Variants in ALG14 observed in about 807,000 individuals in gnomAD.
ALG14 encodes UDP-N-acetylglucosamine transferase subunit ALG14.
A neutral mutation model predicts 22.8 loss-of-function variants in ALG14; 17 were observed. The ratio of observed to expected loss-of-function variants is 0.75; its 90% CI spans 0.51 to 1.12. ALG14 has a LOEUF of 1.12. Ranked by LOEUF, ALG14 falls within the 50% of genes most tolerant of loss-of-function variation. The pLI is 0.00. For synonymous variants in ALG14, 89 were observed against 103.7 expected (o/e 0.86, Z 0.86); for missense variants, 288 against 271.8 (o/e 1.06, Z -0.42).
chr1:95,065,829 A>C (rs141659567), intron 1 of ALG14, among the ~76,000 whole-genome samples: 8 of 152,380 alleles, frequency 5.3e-5, no homozygotes, highest in African/African-American at 1.9e-4. Flanking sequence ...TATAATCTCC[A>C]AAATTTTAAT....
intron 2 of ALG14, among the ~76,000 whole-genome samples, chr1:95,057,005 G>T (rs1674957642): frequency 6.9e-6 from 1 of 144,972 alleles, no homozygotes; most frequent in Non-Finnish European, 1.5e-5. Flanking sequence ...GCAGTGAGCT[G>T]AGATCAGGCC....
In ALG14 at chr1:94,982,905, G is replaced by C; in HGVS notation, c.*171C>G. The C allele has an allele frequency of 3.3e-6, 2 of 610,430 alleles. No homozygotes were observed. The highest frequency in any genetic ancestry group is 5.7e-6 in the Non-Finnish European group (2 of 349,200). 37.8% of individuals were successfully genotyped at this position (610,430 alleles called of 1,614,324 possible). The stretch of plus-strand genomic sequence containing the variant: ...ACGTTTATCAATGTTTGTTTCATAA[G>C]AGAAGCCTCAGTTTCTTCACTGAGT... On this transcript the variant is annotated 3_prime_UTR_variant, in exon 4 of 4. Transcript: ENST00000370205.
intron 2 of ALG14, among the ~76,000 whole-genome samples, chr1:95,042,042 T>C (rs757043383): frequency 6.6e-6 from 1 of 152,098 alleles, no homozygotes; most frequent in Non-Finnish European, 1.5e-5. Flanking sequence ...TAGATATTTA[T>C]AAAAAAATAA....
chr1:95,055,390 G>A (rs920879820), intron 2 of ALG14, among the ~76,000 whole-genome samples: 3 of 151,550 alleles, frequency 2.0e-5, no homozygotes, highest in African/African-American at 4.9e-5. Flanking sequence ...CCACCAACAC[G>A]GAAAATGTCA....
intron 3 of ALG14, among the ~76,000 whole-genome samples, chr1:95,000,492 T>C (rs1011625994): frequency 1.1e-4 from 15 of 137,968 alleles, no homozygotes; most frequent in African/African-American, 3.9e-4. Flanking sequence ...GCTGTGTTCA[T>C]GGCACTATAC....
chr1:95,051,592 GAAC>G (rs1177140837), intron 2 of ALG14, among the ~76,000 whole-genome samples: 2 of 152,106 alleles, frequency 1.3e-5, no homozygotes, highest in Admixed American at 6.5e-5. Flanking sequence ...GCCAACAAAT[GAAC>G]AACAAGGTCT....
At chr1:95,032,442 C>T (rs1420868206) in intron 2 of ALG14, among the ~76,000 whole-genome samples, 1 of 152,060 alleles carries the variant, frequency 6.6e-6, no homozygotes, top group Non-Finnish European at 1.5e-5. Context: ...AGCTAGAAGG[C>T]ACCAAACCCC....
intron 3 of ALG14, among the ~76,000 whole-genome samples, chr1:95,018,370 T>A (rs1302856584): frequency 2.6e-5 from 4 of 151,914 alleles, no homozygotes; most frequent in Non-Finnish European, 4.4e-5. Context: ...ACCCCGCCTC[T>A]ACTGAAAATA....
chr1:95,030,132 T>C (rs1018968697), intron 2 of ALG14, among the ~76,000 whole-genome samples: 8 of 152,204 alleles, frequency 5.3e-5, no homozygotes, highest in Admixed American at 1.3e-4. Flanking sequence ...ACAGGTAATA[T>C]GGTTTATATA....
intron 3 of ALG14, among the ~76,000 whole-genome samples, chr1:95,008,713 C>T (rs1167288010): frequency 6.6e-6 from 1 of 152,082 alleles, no homozygotes; most frequent in Admixed American, 6.6e-5. Flanking sequence ...TCTACATGTA[C>T]AATTCAGTGA....
intron 3 of ALG14, among the ~76,000 whole-genome samples, chr1:94,997,508 G>T (rs1557944365): frequency 6.6e-6 from 1 of 152,176 alleles, no homozygotes; most frequent in East Asian, 1.9e-4. Flanking sequence ...GGGTATTTGA[G>T]GCACTGATGG....
intron 3 of ALG14, among the ~76,000 whole-genome samples, chr1:95,000,793 A>AG (rs941542418): frequency 1.3e-5 from 2 of 150,498 alleles, no homozygotes; most frequent in Non-Finnish European, 3.0e-5. Context: ...AAAAAAAAAA[A>AG]AAAAAAAGGA....
At chr1:95,048,975 G>A (rs1674657568) in intron 2 of ALG14, among the ~76,000 whole-genome samples, 1 of 151,866 alleles carries the variant, frequency 6.6e-6, no homozygotes, top group Admixed American at 6.6e-5. Context: ...TTATAAATAA[G>A]GTGAATTAGG....
chr1:95,036,869 C>A (rs1192661529), intron 2 of ALG14, among the ~76,000 whole-genome samples: 4 of 152,180 alleles, frequency 2.6e-5, no homozygotes, highest in Non-Finnish European at 5.9e-5. Flanking sequence ...CAGTGTCCCA[C>A]TGTGAAGCAA....
At chr1:94,999,391 G>A (rs1458087199) in intron 3 of ALG14, among the ~76,000 whole-genome samples, 3 of 123,692 alleles carry the variant, frequency 2.4e-5, no homozygotes, top group East Asian at 2.5e-4. Flanking sequence ...GAGGCTTCAA[G>A]TGCTTATCTG....
At position 95,064,919 on chromosome 1, in the gene ALG14, T is replaced by G. The variant is rs766071997; in HGVS notation, c.235A>C (p.Asn79His). 1 of 1,614,070 alleles carries G rather than the reference T, an allele frequency of 6.2e-7. No homozygotes were observed. Among genetic ancestry groups the G allele is most frequent in the Non-Finnish European group, 8.5e-7 (1 of 1,179,936 alleles). ...VIADTDEMSA[N>H]KINSFELDRA... The stretch of plus-strand genomic sequence containing the variant: ...TCTAGTTCAAAAGAATTTATTTTAT[T>G]GGCACTCATTTCATCAGTGTCAGCA... Residue 79 changes from asparagine (N) to histidine (H), a missense_variant, in exon 2 of 4, where the codon AAT becomes CAT. By Grantham distance (68) the Asn-to-His change is moderately conservative (BLOSUM62 1). Coordinates refer to ENST00000370205, the MANE Select transcript of ALG14 (RefSeq NM_144988.4).
intron 2 of ALG14, among the ~76,000 whole-genome samples, chr1:95,034,680 C>CT (rs1272582451): frequency 6.6e-6 from 1 of 152,136 alleles, no homozygotes; most frequent in Non-Finnish European, 1.5e-5. Flanking sequence ...CTAGATCTTG[C>CT]TTGGATCTCT....
chr1:95,011,056 A>T (rs1673347305), intron 3 of ALG14, among the ~76,000 whole-genome samples: 1 of 152,214 alleles, frequency 6.6e-6, no homozygotes, highest in African/African-American at 2.4e-5. Context: ...TCAACTCAAG[A>T]AAAGAATGAT....
At chr1:95,016,913 G>A (rs1673508023) in intron 3 of ALG14, among the ~76,000 whole-genome samples, 2 of 149,324 alleles carry the variant, frequency 1.3e-5, no homozygotes, top group African/African-American at 5.0e-5. Flanking sequence ...CCATCCTGCA[G>A]TCACCAGCCC....
Sources: allele counts gnomAD v4.1 joint callset (sites outside exome capture counted in the v4.1 genomes callset), GRCh38; gene constraint gnomAD v4.1.1; transcripts MANE v1.5; gene names NCBI Gene and HGNC (gene_info 2026-07-23, HGNC 2026-07-21).